The following ATG10 variants were observed in gnomAD, a reference collection of about 807,000 sequenced individuals.
The protein encoded by ATG10 is autophagy related 10.
In ATG10, 30 loss-of-function variants were observed where a neutral mutation model predicts 32.1. That is an observed-to-expected ratio of 0.94 (90% CI 0.70 to 1.27). The LOEUF (loss-of-function observed/expected upper bound fraction) is 1.27, where lower values mean the gene tolerates loss of function less well. Ranked by LOEUF, ATG10 falls within the 50% of genes most tolerant of loss-of-function variation. The pLI is 0.00. For missense variants in ATG10, 233 were observed against 262.3 expected, an observed-to-expected ratio of 0.89 and a Z score of 0.77; for synonymous variants, 87 against 91.5, an observed-to-expected ratio of 0.95 and a Z score of 0.28.
intron 2 of ATG10, among the ~76,000 whole-genome samples, chr5:81,995,532 T>C (rs2149677944): frequency 6.6e-6 from 1 of 152,306 alleles, no homozygotes; most frequent in South Asian, 2.1e-4. Flanking sequence ...TTTGCCTGTT[T>C]TGTGCTACCT....
intron 3 of ATG10, among the ~76,000 whole-genome samples, chr5:82,139,493 C>T (rs374244218): frequency 0.17 from 22,582 of 136,358 alleles, 670 homozygotes; most frequent in Non-Finnish European, 0.21. Flanking sequence ...TCTGCCCCGC[C>T]GCCCCATCTG....
intron 2 of ATG10, among the ~76,000 whole-genome samples, chr5:82,022,816 A>G (rs895334926): frequency 2.0e-5 from 3 of 151,972 alleles, no homozygotes; most frequent in African/African-American, 4.8e-5. Flanking sequence ...CATAGTATTT[A>G]TGTTCGAGGC....
intron 3 of ATG10, among the ~76,000 whole-genome samples, chr5:82,096,311 G>T (rs1165388218): frequency 6.6e-6 from 1 of 152,126 alleles, no homozygotes; most frequent in Non-Finnish European, 1.5e-5. Flanking sequence ...AGCCATTTTT[G>T]CTATTAGTAG....
chr5:82,132,294 G>T (rs570939710), intron 3 of ATG10, among the ~76,000 whole-genome samples: 1 of 151,912 alleles, frequency 6.6e-6, no homozygotes, highest in East Asian at 1.9e-4. Flanking sequence ...TACATGTGCA[G>T]AATGTGCAGG....
chr5:82,224,572 A>C (rs577827622), intron 5 of ATG10, among the ~76,000 whole-genome samples: 1 of 152,310 alleles, frequency 6.6e-6, no homozygotes, highest in East Asian at 1.9e-4. Context: ...TAGAGGCTCT[A>C]AAACAAAGGA....
At chr5:82,016,929 A>G (rs1237015981) in intron 2 of ATG10, among the ~76,000 whole-genome samples, 1 of 152,004 alleles carries the variant, frequency 6.6e-6, no homozygotes, top group Non-Finnish European at 1.5e-5. Flanking sequence ...TGACCTCGTG[A>G]TCCGCGCACC....
At chr5:82,043,339 G>A (rs115153598) in intron 2 of ATG10, among the ~76,000 whole-genome samples, 2,491 of 152,308 alleles carry the variant, frequency 0.016, 56 homozygotes, top group African/African-American at 0.056. Flanking sequence ...GTGGGGCCCT[G>A]GGCCTGGCCC....
At chr5:82,103,770 G>A (rs1765356674) in intron 3 of ATG10, among the ~76,000 whole-genome samples, 1 of 152,088 alleles carries the variant, frequency 6.6e-6, no homozygotes, top group Non-Finnish European at 1.5e-5. Context: ...AAAAAGCTTG[G>A]TGGGTGTTCA....
intron 1 of ATG10, among the ~76,000 whole-genome samples, chr5:81,984,444 C>T (rs977344484): frequency 2.0e-5 from 3 of 152,022 alleles, no homozygotes; most frequent in African/African-American, 7.2e-5. Flanking sequence ...AGGGAGAGGG[C>T]GAGAGATTCA....
chr5:82,186,297 G>C (rs1249929639), intron 5 of ATG10, among the ~76,000 whole-genome samples: 2 of 152,152 alleles, frequency 1.3e-5, no homozygotes, highest in East Asian at 1.9e-4. Context: ...TTAGGGGGCA[G>C]GTTTATGGCA....
chr5:82,178,415 G>A lies in ATG10; in HGVS notation c.356-75G>A, dbSNP rs902430543. On this transcript the variant is annotated intron_variant, in intron 4 of 7. Transcript: ENST00000282185. ...TTCTAAAAGTCATGATATTCTTCCAGGAGTTTTAGATTGACACCAAGCACC... is the reference window on the plus strand; with the variant it reads ...TTCTAAAAGTCATGATATTCTTCCAAGAGTTTTAGATTGACACCAAGCACC... The A allele has an allele frequency of 4.9e-5, 42 of 857,132 alleles. No individual in the cohort carries two copies. The Admixed American group carries it at 7.4e-4, about 15-fold the overall frequency. 53.1% of individuals were successfully genotyped at this position (857,132 alleles called of 1,614,324 possible).
At chr5:82,093,383 T>G (rs1435745627) in intron 3 of ATG10, among the ~76,000 whole-genome samples, 2 of 152,184 alleles carry the variant, frequency 1.3e-5, no homozygotes, top group African/African-American at 4.8e-5. Context: ...GTGTCTAATT[T>G]TTCTTTATTC....
chr5:81,990,783 T>A (rs1265195106), intron 2 of ATG10, among the ~76,000 whole-genome samples: 1 of 152,198 alleles, frequency 6.6e-6, no homozygotes, highest in African/African-American at 2.4e-5. Context: ...TCTGGAAATC[T>A]GTGGCTGACC....
chr5:82,037,310 G>C (rs1159775064), intron 2 of ATG10, among the ~76,000 whole-genome samples: 34 of 116,502 alleles, frequency 2.9e-4, no homozygotes, highest in Non-Finnish European at 5.5e-4. Context: ...TGCAGTGGCG[G>C]GATCTCGGCT....
Position 82,085,784 on chromosome 5 carries a change from GC to G in ATG10, c.216+27183del, listed in dbSNP as rs544494533. Among the ~76,000 whole-genome samples, 239 of 152,158 alleles carry G rather than the reference GC, an allele frequency of 1.6e-3. 1 individual carries two copies. Among genetic ancestry groups the G allele is most frequent in the African/African-American group, 5.4e-3 (223 of 41,532 alleles). Reference sequence around the variant, plus strand: ...ACACTAGGTACAAAGTTTAAACAAGGCTTTTAGAGGAGGTTTTTCTATTTTT... The same window carrying G: ...ACACTAGGTACAAAGTTTAAACAAGGTTTTAGAGGAGGTTTTTCTATTTTT... On this transcript the variant is annotated intron_variant, in intron 3 of 7. Coordinates refer to ENST00000282185, the MANE Select transcript of ATG10 (RefSeq NM_031482.5).
chr5:82,108,248 CATT>C (rs1765500513), intron 3 of ATG10, among the ~76,000 whole-genome samples: 1 of 151,912 alleles, frequency 6.6e-6, no homozygotes, highest in African/African-American at 2.4e-5. Flanking sequence ...TAAGGTCAGA[CATT>C]ATATCATCGT....
In ATG10 at chr5:82,138,162, T is replaced by G. The variant is rs570852352; in HGVS notation, c.217-26237T>G. ...GCCAGTGGATCTTAGCTTGCTGGGC[T>G]CCCCAGGGGTGGGATCTGCAGAGCT... On this transcript the variant is annotated intron_variant, in intron 3 of 7. Coordinates refer to ENST00000282185, the MANE Select transcript of ATG10 (RefSeq NM_031482.5). Among the ~76,000 whole-genome samples the G allele has an allele frequency of 1.1e-3, 165 of 152,284 alleles. 2 individuals are homozygous for G. Among genetic ancestry groups the G allele is most frequent in the African/African-American group, 3.9e-3 (161 of 41,558 alleles).
At chr5:81,977,529 G>C (rs1417296285) in intron 1 of ATG10, among the ~76,000 whole-genome samples, 3 of 152,118 alleles carry the variant, frequency 2.0e-5, no homozygotes, top group African/African-American at 4.8e-5. Context: ...ATAAAGTTGG[G>C]AACCATTAGA....
intron 2 of ATG10, among the ~76,000 whole-genome samples, chr5:82,024,189 A>C (rs772809853): frequency 2.0e-5 from 3 of 152,232 alleles, no homozygotes; most frequent in Non-Finnish European, 4.4e-5. Context: ...TATAGATGGC[A>C]GATGTGTATG....
Sources: gnomAD v4.1 joint callset for allele counts (sites outside exome capture counted in the v4.1 genomes callset) on GRCh38, gnomAD v4.1.1 for gene constraint, MANE v1.5 for transcripts, NCBI Gene and HGNC (gene_info 2026-07-23, HGNC 2026-07-21) for gene names.